The following SENP7 variants were observed in gnomAD, a reference collection of about 807,000 sequenced individuals.
SENP7 encodes SUMO specific peptidase 7, also known as sentrin-specific protease 7.
SENP7 carries 64 observed loss-of-function variants against 141.2 expected under a neutral mutation model. The ratio of observed to expected loss-of-function variants is 0.45; its 90% confidence interval spans 0.37 to 0.56. The LOEUF is 0.56. SENP7 is among the 20% of genes least tolerant of loss of function. The pLI is 0.00. For missense variants in SENP7, 1,025 were observed against 1,212.2 expected (o/e 0.85, Z 2.29); for synonymous variants, 382 against 426.4 (o/e 0.90, Z 1.28).
chr3:101,442,562 C>T (rs550053574), intron 4 of SENP7, among the ~76,000 whole-genome samples: 1 of 152,196 alleles, frequency 6.6e-6, no homozygotes, highest in South Asian at 2.1e-4. Context: ...CGGACCAGTA[C>T]CAGTCCATGG....
At chr3:101,410,391 T>C (rs1341189064) in intron 5 of SENP7, among the ~76,000 whole-genome samples, 1 of 152,090 alleles carries the variant, frequency 6.6e-6, no homozygotes, top group Non-Finnish European at 1.5e-5. Flanking sequence ...GAACTAAAAG[T>C]AGAACCACCA....
At chr3:101,480,927 G>A (rs895099436) in intron 3 of SENP7, among the ~76,000 whole-genome samples, 4 of 149,970 alleles carry the variant, frequency 2.7e-5, no homozygotes, top group South Asian at 2.1e-4. Context: ...ATGAGATATC[G>A]TCTTATCCCA....
rs775892881 is a variant in SENP7, at chr3:101,340,246, A to G, written c.2241-35T>C. On this transcript the variant is annotated intron_variant, in intron 15 of 23. Transcript: ENST00000394095. ...AAAAATAAAGTTAACATATACTGAT[A>G]TTGAAAATCCTATTATCTAAGAGAT... The G allele has an allele frequency of 4.2e-5, 65 of 1,544,270 alleles. 1 individual carries two copies. In the East Asian group the frequency reaches 6.9e-4, roughly 16 times the overall value.
chr3:101,441,679 C>A (rs2062679894), intron 4 of SENP7, among the ~76,000 whole-genome samples: 1 of 152,126 alleles, frequency 6.6e-6, no homozygotes, highest in South Asian at 2.1e-4. Context: ...CAAGAACTGA[C>A]CTGCCTGGAC....
chr3:101,328,356 A>C (rs2058959454), intron 22 of SENP7, 122 bp downstream of exon 22: 1 of 620,150 alleles, frequency 1.6e-6, no homozygotes. Context: ...AATTTATAGG[A>C]TTGTTGAAAT....
intron 11 of SENP7, chr3:101,358,449 C>T (rs146690338): frequency 4.6e-4 from 172 of 377,732 alleles, no homozygotes; most frequent in Middle Eastern, 8.5e-4. Context: ...GTGGGAAAAC[C>T]TTTAACCAGC....
chr3:101,476,294 C>A (rs1470233490), intron 3 of SENP7, among the ~76,000 whole-genome samples: 1 of 151,948 alleles, frequency 6.6e-6, no homozygotes, highest in African/African-American at 2.4e-5. Flanking sequence ...GTTCCCCGCC[C>A]TGTGTCCATG....
chr3:101,511,012 G>A (rs1016413565), intron 1 of SENP7, among the ~76,000 whole-genome samples: 3 of 152,100 alleles, frequency 2.0e-5, no homozygotes, highest in Non-Finnish European at 2.9e-5. Flanking sequence ...AAGAAAAGCA[G>A]AAGCATACTT....
intron 6 of SENP7, among the ~76,000 whole-genome samples, chr3:101,377,181 G>A (rs2060361147): frequency 6.6e-6 from 1 of 152,068 alleles, no homozygotes; most frequent in South Asian, 2.1e-4. Flanking sequence ...CAATACACAG[G>A]AGTTCCCAGT....
At chr3:101,333,530 A>C (rs1385563235) in intron 17 of SENP7, among the ~76,000 whole-genome samples, 1 of 152,190 alleles carries the variant, frequency 6.6e-6, no homozygotes, top group African/African-American at 2.4e-5. Flanking sequence ...TCTCTAAAAA[A>C]TAAATTAATC....
intron 3 of SENP7, among the ~76,000 whole-genome samples, chr3:101,485,449 C>A (rs1002574949): frequency 2.6e-5 from 4 of 152,122 alleles, no homozygotes; most frequent in Non-Finnish European, 4.4e-5. Flanking sequence ...GTCCAGACAA[C>A]CCCCAGTATG....
At chr3:101,372,220 A>T in intron 6 of SENP7, 94 bp from the exon 7 acceptor site, 1 of 542,808 alleles carries the variant, frequency 1.8e-6, no homozygotes, top group Non-Finnish European at 3.2e-6. Flanking sequence ...ACACATTACA[A>T]ACACAGTCCC....
intron 10 of SENP7, chr3:101,363,274 C>A (rs1559720060): frequency 5.0e-6 from 1 of 200,328 alleles, no homozygotes; most frequent in East Asian, 1.9e-4. Context: ...TAACTGTGGG[C>A]TTTTTTAGTG....
intron 10 of SENP7, among the ~76,000 whole-genome samples, chr3:101,362,166 T>C (rs1475665036): frequency 6.6e-6 from 1 of 152,226 alleles, no homozygotes; most frequent in African/African-American, 2.4e-5. Flanking sequence ...ATAGGTTTTA[T>C]TCATTTTTAA....
At chr3:101,346,420 A>G (rs1320922318) in intron 13 of SENP7, among the ~76,000 whole-genome samples, 1 of 152,172 alleles carries the variant, frequency 6.6e-6, no homozygotes, top group East Asian at 1.9e-4. Context: ...ATCTACCCAG[A>G]GGAAAGGAAG....
chr3:101,374,264 G>A (rs2060257249), intron 6 of SENP7, among the ~76,000 whole-genome samples: 1 of 152,104 alleles, frequency 6.6e-6, no homozygotes, highest in Non-Finnish European at 1.5e-5. Context: ...GCAAAAGGAA[G>A]AAGTTGGACA....
intron 3 of SENP7, among the ~76,000 whole-genome samples, chr3:101,479,352 C>T (rs928331492): frequency 1.3e-5 from 2 of 152,178 alleles, no homozygotes; most frequent in Non-Finnish European, 2.9e-5. Context: ...CAGTGGCTCA[C>T]GCCTGCTGTT....
At chr3:101,327,306 C>G (rs1328487774) in intron 23 of SENP7, among the ~76,000 whole-genome samples, 2 of 151,964 alleles carry the variant, frequency 1.3e-5, no homozygotes, top group African/African-American at 4.8e-5. Flanking sequence ...TGGGAGGGAC[C>G]TGGTAGGAGG....
Position 101,366,448 on chromosome 3 carries a change from G to A in SENP7, c.1300C>T (p.Leu434=), listed in dbSNP as rs770879133. Residue 434 remains leucine, a synonymous_variant, in exon 9 of 24, where the codon CTG becomes TTG. Transcript: ENST00000394095. ...CACTTACTTGGTTCAGCTGAGATCA[G>A]TGATTGGTTCCCTTCATTATGTCCT... ...LRGHNEGNQS[L]ISAEPIVVSS... is the part of the protein sequence containing the mutation. 8.7e-6 allele frequency: 14 copies of A among 1,602,940 alleles called. No individual in the cohort carries two copies. In the East Asian group the frequency reaches 2.5e-4, roughly 28 times the overall value.
Sources: gnomAD v4.1 joint callset for allele counts (sites outside exome capture counted in the v4.1 genomes callset) on GRCh38, gnomAD v4.1.1 for gene constraint, MANE v1.5 for transcripts, NCBI Gene and HGNC (gene_info 2026-07-23, HGNC 2026-07-21) for gene names.